Variants in RBM19 observed in about 807,000 individuals in gnomAD.
RBM19 encodes the protein probable RNA-binding protein 19.
A neutral mutation model predicts 116.8 loss-of-function variants in RBM19; 94 were observed. That is an observed-to-expected ratio of 0.80 (90% CI 0.68 to 0.95). RBM19 has a LOEUF of 0.95. Ranked by LOEUF, RBM19 falls within the 40% of genes least tolerant of loss-of-function variation. The probability of loss-of-function intolerance (pLI) is 0.00; values close to 1 mark genes in which losing one functional copy is unlikely to be tolerated. For synonymous variants in RBM19, 475 were observed against 494.1 expected, an observed-to-expected ratio of 0.96 and a Z score of 0.51; for missense variants, 1,161 against 1,220.7, an observed-to-expected ratio of 0.95 and a Z score of 0.73.
At chr12:113,885,576 G>C (rs1331644269) in intron 21 of RBM19, among the ~76,000 whole-genome samples, 1 of 152,052 alleles carries the variant, frequency 6.6e-6, no homozygotes, top group Non-Finnish European at 1.5e-5. Context: ...TAATTTCCTG[G>C]TTTTGATAAC....
At chr12:113,944,091 A>ATTTT (rs1244100851) in intron 13 of RBM19, among the ~76,000 whole-genome samples, 1 of 78,468 alleles carries the variant, frequency 1.3e-5, no homozygotes, top group African/African-American at 6.1e-5. Context: ...CTCCAGATGC[A>ATTTT]TGTTTTTTTT....
intron 21 of RBM19, among the ~76,000 whole-genome samples, chr12:113,859,246 G>A (rs538968973): frequency 3.3e-5 from 5 of 152,314 alleles, no homozygotes; most frequent in East Asian, 1.9e-4. Context: ...GCCAGGCTCC[G>A]GTTGAGGGGC....
intron 13 of RBM19, among the ~76,000 whole-genome samples, chr12:113,944,047 CAGGTT>C (rs1299878377): frequency 1.2e-4 from 18 of 148,508 alleles, no homozygotes; most frequent in Non-Finnish European, 2.5e-4. Flanking sequence ...AAAACATTCC[CAGGTT>C]TGCCTGGGAA....
intron 16 of RBM19, among the ~76,000 whole-genome samples, chr12:113,928,332 A>G (rs7956484): frequency 6.6e-6 from 1 of 151,476 alleles, no homozygotes; most frequent in African/African-American, 2.4e-5. Flanking sequence ...GTGAGACTCC[A>G]TCTCAAAAAT....
At chr12:113,959,796 T>A in intron 4 of RBM19, 69 bp downstream of exon 4, 1 of 1,473,164 alleles carries the variant, frequency 6.8e-7, no homozygotes, top group Non-Finnish European at 9.1e-7. Context: ...GCCTCTACCC[T>A]CTCCAGTCTC....
chr12:113,842,586 T>C (rs2135714337), intron 23 of RBM19, among the ~76,000 whole-genome samples: 1 of 152,178 alleles, frequency 6.6e-6, no homozygotes, highest in East Asian at 1.9e-4. Flanking sequence ...GAAGAACTGA[T>C]CACTAAGAGA....
rs753274889 is a variant in RBM19, at chr12:113,920,692, TGAGA to T, written c.2306-6_2306-3del. The T allele has an allele frequency of 9.1e-5, 147 of 1,612,912 alleles. No individual in the cohort carries two copies. Among genetic ancestry groups the T allele is most frequent in the Middle Eastern group, 4.9e-4 (3 of 6,078 alleles). On this transcript the variant is annotated splice_polypyrimidine_tract_variant and splice_region_variant and intron_variant, in intron 18 of 23. Transcript: ENST00000261741. Reference sequence around the variant, plus strand: ...CAAACCCCATGGAAAGGAGCACTCCTGAGAGAGAGAGGTGGAAATCACACCAGTC... The same window carrying T: ...CAAACCCCATGGAAAGGAGCACTCCTGAGAGAGGTGGAAATCACACCAGTC...
chr12:113,936,974 C>T (rs1177875618), intron 16 of RBM19, 33 bp downstream of exon 16: 10 of 1,606,664 alleles, frequency 6.2e-6, no homozygotes, highest in Non-Finnish European at 7.6e-6. Context: ...CACCAGGATC[C>T]CAAGCCATCC....
At chr12:113,965,491 GA>G (rs1288815143) in intron 1 of RBM19, among the ~76,000 whole-genome samples, 1 of 151,924 alleles carries the variant, frequency 6.6e-6, no homozygotes, top group African/African-American at 2.4e-5. Context: ...TGTCTAACCT[GA>G]TGGAAGGAGC....
At chr12:113,849,908 A>G (rs970344322) in intron 22 of RBM19, among the ~76,000 whole-genome samples, 5 of 152,166 alleles carry the variant, frequency 3.3e-5, no homozygotes, top group African/African-American at 9.7e-5. Flanking sequence ...ACTGAGGTGA[A>G]GCAAATGGGT....
chr12:113,927,302 C>A, intron 16 of RBM19, 73 bp from the exon 17 acceptor site: 1 of 1,486,244 alleles, frequency 6.7e-7, no homozygotes, highest in Non-Finnish European at 8.9e-7. Context: ...CCACCAGAGC[C>A]CTGGGGCCAA....
Position 113,957,669 on chromosome 12 carries a change from G to A in RBM19, c.840+113C>T. The A allele has an allele frequency of 2.1e-6, 3 of 1,429,534 alleles. No homozygotes were observed. In the South Asian group the frequency reaches 5.3e-5, roughly 25 times the overall value. The allele number at this position is 1,429,534 out of a possible 1,614,324, so 88.6% of individuals were successfully genotyped here. A position where few individuals can be genotyped will look rare whatever the true frequency, so the allele number is the denominator to read the frequency against. ...GCCAAGATCGGGAAGGCTTTGGACT[G>A]CAGAGCTGCGTCTTTCCCCAACATT... On this transcript the variant is annotated intron_variant, in intron 6 of 23. Transcript: ENST00000261741.
At chr12:113,857,784 G>C (rs1052939250) in intron 22 of RBM19, among the ~76,000 whole-genome samples, 1 of 152,236 alleles carries the variant, frequency 6.6e-6, no homozygotes, top group Non-Finnish European at 1.5e-5. Flanking sequence ...CTGTGTCCTG[G>C]AGCTGCCACC....
At chr12:113,882,693 G>A (rs1313512889) in intron 21 of RBM19, among the ~76,000 whole-genome samples, 5 of 152,312 alleles carry the variant, frequency 3.3e-5, no homozygotes, top group Admixed American at 2.0e-4. Context: ...TCCAAGGAGC[G>A]GCTTGGGGTA....
At chr12:113,960,708 T>C (rs1451733621) in intron 2 of RBM19, among the ~76,000 whole-genome samples, 3 of 151,988 alleles carry the variant, frequency 2.0e-5, no homozygotes, top group African/African-American at 7.3e-5. Flanking sequence ...CTGGGCAGGG[T>C]AATGTGGGGC....
chr12:113,881,171 A>G (rs1002005927), intron 21 of RBM19, among the ~76,000 whole-genome samples: 5 of 152,076 alleles, frequency 3.3e-5, no homozygotes, highest in Non-Finnish European at 5.9e-5. Flanking sequence ...CAGCCCCGAT[A>G]ATGGCTTTTC....
At chr12:113,945,723 T>G (rs1047756670) in intron 13 of RBM19, 105 bp downstream of exon 13, 31 of 946,354 alleles carry the variant, frequency 3.3e-5, no homozygotes, top group Non-Finnish European at 4.5e-5. Context: ...AGGAAAGCCC[T>G]GGCGGCCCCA....
chr12:113,948,257 C>T (rs1871205794), intron 10 of RBM19, among the ~76,000 whole-genome samples: 1 of 152,192 alleles, frequency 6.6e-6, no homozygotes, highest in African/African-American at 2.4e-5. Flanking sequence ...TCCCTTCCTG[C>T]CCTTCAACAA....
chr12:113,929,817 A>G (rs1225655558), intron 16 of RBM19, among the ~76,000 whole-genome samples: 1 of 152,170 alleles, frequency 6.6e-6, no homozygotes, highest in Non-Finnish European at 1.5e-5. Flanking sequence ...CAGGGGGCCC[A>G]AGGAGAGTTC....
Sources: allele counts gnomAD v4.1 joint callset (sites outside exome capture counted in the v4.1 genomes callset), GRCh38; gene constraint gnomAD v4.1.1; transcripts MANE v1.5; gene names NCBI Gene and HGNC (gene_info 2026-07-23, HGNC 2026-07-21).